BICD2: variants seen among roughly 807,000 people sequenced by gnomAD.
BICD2 encodes BICD cargo adaptor 2.
A neutral mutation model predicts 72.9 loss-of-function variants in BICD2; 25 were observed. That is an observed-to-expected ratio of 0.34 (90% confidence interval 0.25 to 0.48). The LOEUF is 0.48. BICD2 is among the 20% of genes least tolerant of loss of function. The probability of loss-of-function intolerance (pLI) is 0.99; values close to 1 mark genes in which losing one functional copy is unlikely to be tolerated. For missense variants in BICD2, 894 were observed against 1,175.2 expected (o/e 0.76, Z 3.50); for synonymous variants, 501 against 516.1 (o/e 0.97, Z 0.40).
In BICD2 at chr9:92,719,429, G is replaced by C; in HGVS notation, c.1216C>G (p.Arg406Gly). 1 of 1,614,086 alleles carries C rather than the reference G, an allele frequency of 6.2e-7. No homozygotes were observed. The highest frequency in any genetic ancestry group is 8.5e-7 in the Non-Finnish European group (1 of 1,180,024). The change falls in exon 5 of 7, where the codon CGG becomes GGG. Residue 406 changes from arginine to glycine, a missense_variant. By Grantham distance (125) the Arg-to-Gly change is moderately radical. Transcript: ENST00000356884. ...ALRRLQASKE[R>G]QTALDNEKDR... Reference sequence around the variant, plus strand: ...TTCTCGTTGTCCAGGGCTGTCTGCCGCTCCTTGCTGGCCTGCAGGCGCCGC... The same window carrying C: ...TTCTCGTTGTCCAGGGCTGTCTGCCCCTCCTTGCTGGCCTGCAGGCGCCGC...
At chr9:92,739,063 T>C (rs770777627) in intron 1 of BICD2, among the ~76,000 whole-genome samples, 3 of 152,106 alleles carry the variant, frequency 2.0e-5, no homozygotes, top group Non-Finnish European at 2.9e-5. Flanking sequence ...GCTGCCTCGG[T>C]TGGGCCCTCC....
In BICD2 at chr9:92,720,250, T is replaced by C; in HGVS notation, c.1062+50A>G. On this transcript the variant is annotated intron_variant, in intron 4 of 6. Transcript: ENST00000356884. This position sits in a 1 kb window ranked among gnomAD's most constrained non-coding sequence, Gnocchi z 5.4. Reference sequence around the variant, plus strand: ...CAGGTAAGCACTGCTCGGGGAGCCCTGCAGACCTGGAGTGGGGACAGCGTG... The same window carrying C: ...CAGGTAAGCACTGCTCGGGGAGCCCCGCAGACCTGGAGTGGGGACAGCGTG... 1.3e-6 allele frequency: 2 copies of C among 1,544,328 alleles called. No individual in the cohort carries two copies. Among genetic ancestry groups the C allele is most frequent in the Non-Finnish European group, 1.8e-6 (2 of 1,142,494 alleles).
intron 6 of BICD2, among the ~76,000 whole-genome samples, chr9:92,716,671 C>T (rs758436674): frequency 6.6e-6 from 1 of 152,240 alleles, no homozygotes; most frequent in Non-Finnish European, 1.5e-5. Context: ...CCCAACATGA[C>T]CCAGCAGGTG....
In BICD2 at chr9:92,751,139, TG is replaced by T. The variant is rs375583218; in HGVS notation, c.240+13365del. 9.9e-4 allele frequency among the ~76,000 whole-genome samples: 148 copies of T among 148,836 alleles called. 1 individual carries two copies. Among genetic ancestry groups the T allele is most frequent in the Admixed American group, 1.8e-3 (26 of 14,558 alleles). On this transcript the variant is annotated intron_variant, in intron 1 of 6. Coordinates refer to ENST00000356884, the MANE Select transcript of BICD2 (RefSeq NM_001003800.2). ...TTGGCCAGGGTGGTTGGTTTTTTGT[TG>T]TTGTTGTTGTTGTTGTTGTTGTTGT... is the stretch of plus-strand genomic sequence containing the variant.
chr9:92,731,584 G>C (rs1477820121), intron 1 of BICD2, among the ~76,000 whole-genome samples: 1 of 152,134 alleles, frequency 6.6e-6, no homozygotes, highest in Non-Finnish European at 1.5e-5. Context: ...AGGAGGAGGG[G>C]AGTTCCAGGA....
In BICD2 at chr9:92,715,197, T is replaced by C. The variant is rs1853277355; in HGVS notation, c.2525A>G (p.Asn842Ser). 1.2e-6 allele frequency: 2 copies of C among 1,609,634 alleles called. No individual in the cohort carries two copies. Among genetic ancestry groups the C allele is most frequent in the Non-Finnish European group, 1.7e-6 (2 of 1,177,266 alleles). The change falls in exon 7 of 7, where the codon AAC becomes AGC. Residue 842 changes from asparagine to serine, a missense_variant. By Grantham distance (46) the Asn-to-Ser change is conservative (BLOSUM62 1). Coordinates refer to ENST00000356884, the MANE Select transcript of BICD2 (RefSeq NM_001003800.2). ...GTGCTTCTCGCTGCAGAACACCTGG[T>C]TGGCCAGCCCGGTGCCCTCGGCCCT... ...SDRAEGTGLA[N>S]QVFCSEKHSI...
At chr9:92,751,083 G>C (rs941298404) in intron 1 of BICD2, among the ~76,000 whole-genome samples, 11 of 151,728 alleles carry the variant, frequency 7.2e-5, no homozygotes, top group African/African-American at 2.4e-4. Context: ...GCTAATTTTT[G>C]TATTTTTAGT....
intron 1 of BICD2, among the ~76,000 whole-genome samples, chr9:92,751,867 C>T (rs937487422): frequency 6.8e-6 from 1 of 148,138 alleles, no homozygotes; most frequent in Non-Finnish European, 1.5e-5. Context: ...TGTAATGATG[C>T]GATCTTGGCA....
chr9:92,742,326 G>A (rs1348127511), intron 1 of BICD2, among the ~76,000 whole-genome samples: 1 of 151,272 alleles, frequency 6.6e-6, no homozygotes, highest in African/African-American at 2.4e-5. Context: ...CCATTCAGTG[G>A]TTTTTAGTAC....
Position 92,720,266 on chromosome 9 carries a change from G to A in BICD2, c.1062+34C>T, listed in dbSNP as rs1031553880. 1 of 1,576,310 alleles carries A rather than the reference G, an allele frequency of 6.3e-7. No homozygotes were observed. Among genetic ancestry groups the A allele is most frequent in the Non-Finnish European group, 8.6e-7 (1 of 1,161,076 alleles). On this transcript the variant is annotated intron_variant, in intron 4 of 6. Coordinates refer to ENST00000356884, the MANE Select transcript of BICD2 (RefSeq NM_001003800.2). The surrounding 1 kb of genome is among the most constrained non-coding windows in gnomAD (Gnocchi z 5.4). ...GGGGAGCCCTGCAGACCTGGAGTGG[G>A]GACAGCGTGCCGAAGGCCCCACTGC...
At chr9:92,742,377 T>G (rs1853913753) in intron 1 of BICD2, among the ~76,000 whole-genome samples, 1 of 151,676 alleles carries the variant, frequency 6.6e-6, no homozygotes, top group East Asian at 1.9e-4. Flanking sequence ...ATTCCACATT[T>G]CTTTTTTTTT....
intron 1 of BICD2, among the ~76,000 whole-genome samples, chr9:92,729,852 C>T (rs1473735731): frequency 2.6e-5 from 4 of 152,234 alleles, no homozygotes; most frequent in African/African-American, 7.2e-5. Flanking sequence ...GAACAAGGGG[C>T]GCGGGGGCTG....
chr9:92,754,093 C>T (rs1263239148), intron 1 of BICD2, among the ~76,000 whole-genome samples: 6 of 150,584 alleles, frequency 4.0e-5, no homozygotes, highest in African/African-American at 1.5e-4. Context: ...TGCAGTAAGC[C>T]AAGATCGCGC....
Position 92,758,523 on chromosome 9 carries a change from GC to G in BICD2, c.240+5981del, listed in dbSNP as rs1272329286. On this transcript the variant is annotated intron_variant, in intron 1 of 6. Transcript: ENST00000356884. ...GCCAAGATCGAGCTACTGTACTCCAGCCTGGGCAACATAACAAGACTCCGTC... is the reference window on the plus strand; with the variant it reads ...GCCAAGATCGAGCTACTGTACTCCAGCTGGGCAACATAACAAGACTCCGTC... Among the ~76,000 whole-genome samples the G allele has an allele frequency of 6.3e-5, 8 of 127,994 alleles. No individual in the cohort carries two copies. In the Admixed American group the frequency reaches 7.7e-4, roughly 12 times the overall value. 84.0% of individuals were successfully genotyped at this position (127,994 alleles called of 152,430 possible).
At position 92,713,253 on chromosome 9, in the gene BICD2, C is replaced by A. The variant is rs1853228177; in HGVS notation, c.*1901G>T. ...AGAGGCCTTTCCACGCAGCAGCTCG[C>A]AGCATGCTCAACATTAAAGCTTTTT... is the stretch of plus-strand genomic sequence containing the variant. On this transcript the variant is annotated 3_prime_UTR_variant, in exon 7 of 7. Coordinates refer to ENST00000356884, the MANE Select transcript of BICD2 (RefSeq NM_001003800.2). 1.7e-5 allele frequency: 11 copies of A among 630,648 alleles called. No individual in the cohort carries two copies. The highest frequency in any genetic ancestry group is 1.6e-4 in the South Asian group (8 of 48,914). 39.1% of individuals were successfully genotyped at this position (630,648 alleles called of 1,614,324 possible). A position where few individuals can be genotyped will look rare whatever the true frequency, so the allele number is the denominator to read the frequency against.
intron 1 of BICD2, among the ~76,000 whole-genome samples, chr9:92,733,379 T>TAA (rs1006639533): frequency 1.3e-5 from 2 of 149,680 alleles, no homozygotes; most frequent in Non-Finnish European, 1.5e-5. Context: ...CTACTAAAAA[T>TAA]AAAAAAAAAT....
rs755663806 is a variant in BICD2, at chr9:92,764,787, G to A, written c.-43C>T. ...CCGGCTCCCACTGAGGCTCTCGCAG[G>A]CCGGGCCCTCCTCAGCCGCCGCCGC... On this transcript the variant is annotated 5_prime_UTR_variant, in exon 1 of 7. Transcript: ENST00000356884. This position sits in a 1 kb window ranked among gnomAD's most constrained non-coding sequence, Gnocchi z 5.5. 3 of 1,397,924 alleles carry A rather than the reference G, an allele frequency of 2.1e-6. No homozygotes were observed. Among genetic ancestry groups the A allele is most frequent in the Non-Finnish European group, 2.8e-6 (3 of 1,076,890 alleles). 86.6% of individuals were successfully genotyped at this position (1,397,924 alleles called of 1,614,324 possible). A position where few individuals can be genotyped will look rare whatever the true frequency, so the allele number is the denominator to read the frequency against.
At chr9:92,741,324 G>C (rs191036773) in intron 1 of BICD2, among the ~76,000 whole-genome samples, 12 of 152,284 alleles carry the variant, frequency 7.9e-5, no homozygotes, top group African/African-American at 2.6e-4. Context: ...ACTGTGATCA[G>C]AAGACCTTGC....
intron 3 of BICD2, among the ~76,000 whole-genome samples, chr9:92,721,755 TCA>T (rs1355439272): frequency 2.6e-5 from 4 of 152,200 alleles, no homozygotes; most frequent in Admixed American, 1.3e-4. Flanking sequence ...GCCTCAAGCC[TCA>T]GTTTCCCTTC....
Sources: gnomAD v4.1 joint callset for allele counts (sites outside exome capture counted in the v4.1 genomes callset) on GRCh38, gnomAD v4.1.1 for gene constraint, Gnocchi (gnomAD v3.1) non-coding constraint, MANE v1.5 for transcripts, NCBI Gene and HGNC (gene_info 2026-07-23, HGNC 2026-07-21) for gene names.